Variants in GRXCR1 observed in about 807,000 individuals in gnomAD.
The protein encoded by GRXCR1 is glutaredoxin and cysteine rich domain containing 1, also known as glutaredoxin domain-containing cysteine-rich protein 1.
In GRXCR1, 27 loss-of-function variants were observed where a neutral mutation model predicts 27.3. The observed-to-expected ratio is 0.99, with a 90% confidence interval of 0.73 to 1.37. The LOEUF is 1.37. GRXCR1 is among the 40% of genes most tolerant of loss of function. The probability of loss-of-function intolerance (pLI) is 0.00; values close to 1 mark genes in which losing one functional copy is unlikely to be tolerated. For synonymous variants in GRXCR1, 122 were observed against 131.1 expected (o/e 0.93, Z 0.47); for missense variants, 379 against 354.4 (o/e 1.07, Z -0.56).
At chr4:42,959,409 T>C (rs1748080011) in intron 1 of GRXCR1, among the ~76,000 whole-genome samples, 1 of 151,606 alleles carries the variant, frequency 6.6e-6, no homozygotes, top group East Asian at 1.9e-4. Context: ...AACAGTTGAA[T>C]GGTGGCTGTT....
Position 42,893,182 on chromosome 4 carries a change from T to C in GRXCR1, c.-85T>C, listed in dbSNP as rs1746271183. ...GAGTGCTGCCATCACTAGAATTGGC[T>C]CTGATATTGCTATCTGGCAAGTGGA... On this transcript the variant is annotated 5_prime_UTR_variant, in exon 1 of 4. Transcript: ENST00000399770. 2 of 1,490,144 alleles carry C rather than the reference T, an allele frequency of 1.3e-6. No homozygotes were observed. The highest frequency in any genetic ancestry group is 1.9e-6 in the Non-Finnish European group (2 of 1,069,474). 92.3% of individuals were successfully genotyped at this position (1,490,144 alleles called of 1,614,324 possible). A position where few individuals can be genotyped will look rare whatever the true frequency, so the allele number is the denominator to read the frequency against.
chr4:42,949,313 G>T (rs1485172340), intron 1 of GRXCR1, among the ~76,000 whole-genome samples: 1 of 120,190 alleles, frequency 8.3e-6, no homozygotes, highest in African/African-American at 3.2e-5. Context: ...CTGAGATCAC[G>T]CCACTGCACT....
At chr4:43,017,506 T>G (rs1712965254) in intron 2 of GRXCR1, among the ~76,000 whole-genome samples, 1 of 152,202 alleles carries the variant, frequency 6.6e-6, no homozygotes. Context: ...TAAAAAATGC[T>G]TACTTCGCAC....
intron 1 of GRXCR1, among the ~76,000 whole-genome samples, chr4:42,951,042 T>G (rs1279009062): frequency 6.6e-6 from 1 of 152,152 alleles, no homozygotes; most frequent in African/African-American, 2.4e-5. Flanking sequence ...AAGCTCAAGA[T>G]TCAGGAAATC....
At chr4:42,996,877 G>A (rs1239064996) in intron 2 of GRXCR1, among the ~76,000 whole-genome samples, 4 of 151,758 alleles carry the variant, frequency 2.6e-5, no homozygotes, top group Admixed American at 6.6e-5. Flanking sequence ...CTTACAATAC[G>A]TATGTGTACA....
chr4:42,918,803 A>T (rs1452626758), intron 1 of GRXCR1, among the ~76,000 whole-genome samples: 2 of 152,034 alleles, frequency 1.3e-5, no homozygotes, highest in African/African-American at 4.8e-5. Context: ...GCTGGACAGG[A>T]TAAATTCACT....
chr4:42,976,141 AT>A (rs531585460), intron 2 of GRXCR1, among the ~76,000 whole-genome samples: 30 of 152,030 alleles, frequency 2.0e-4, no homozygotes, highest in African/African-American at 7.2e-4. Flanking sequence ...TTGTTTAATG[AT>A]TTTTTTATGT....
In GRXCR1 at chr4:43,009,558, A is replaced by G. The variant is rs534414812; in HGVS notation, c.628-10796A>G. ...AAACAACAGAAATTCATTTCTGTCA[A>G]TTGTGAGACTGGGGAGTCCAAGATC... is the stretch of plus-strand genomic sequence containing the variant. On this transcript the variant is annotated intron_variant, in intron 2 of 3. Coordinates refer to ENST00000399770, the MANE Select transcript of GRXCR1 (RefSeq NM_001080476.3). Among the ~76,000 whole-genome samples the G allele has an allele frequency of 6.6e-5, 10 of 152,268 alleles. No homozygotes were observed. The East Asian group carries it at 1.9e-3, about 29-fold the overall frequency.
At chr4:42,964,506 T>A (rs1748195739) in intron 2 of GRXCR1, among the ~76,000 whole-genome samples, 1 of 152,046 alleles carries the variant, frequency 6.6e-6, no homozygotes, top group African/African-American at 2.4e-5. Flanking sequence ...TAATACATAT[T>A]AAGCACTTGG....
intron 2 of GRXCR1, among the ~76,000 whole-genome samples, chr4:42,976,603 AC>A (rs1577928276): frequency 1.3e-5 from 2 of 151,932 alleles, no homozygotes; most frequent in Admixed American, 1.3e-4. Flanking sequence ...CATTCTTGGT[AC>A]CCTCATATTC....
chr4:42,937,342 G>GT (rs35206050), intron 1 of GRXCR1, among the ~76,000 whole-genome samples: 36 of 151,102 alleles, frequency 2.4e-4, no homozygotes, highest in East Asian at 5.9e-4. Context: ...CTCACCTTGT[G>GT]TTTTTTTTCT....
At chr4:42,968,276 C>T (rs1009311942) in intron 2 of GRXCR1, among the ~76,000 whole-genome samples, 1 of 151,878 alleles carries the variant, frequency 6.6e-6, no homozygotes, top group African/African-American at 2.4e-5. Flanking sequence ...TCTCTGAGAT[C>T]ATCATTCATT....
chr4:42,971,105 T>C (rs1748376301), intron 2 of GRXCR1, among the ~76,000 whole-genome samples: 1 of 152,122 alleles, frequency 6.6e-6, no homozygotes, highest in South Asian at 2.1e-4. Context: ...TGCTATAGAG[T>C]GACCTTTACT....
intron 2 of GRXCR1, among the ~76,000 whole-genome samples, chr4:42,989,597 C>A (rs1259695502): frequency 6.6e-6 from 1 of 152,200 alleles, no homozygotes; most frequent in African/African-American, 2.4e-5. Context: ...TCTTATCCTG[C>A]AATAACTGGG....
intron 1 of GRXCR1, among the ~76,000 whole-genome samples, chr4:42,933,871 T>A (rs1747391021): frequency 6.6e-6 from 1 of 151,466 alleles, no homozygotes; most frequent in African/African-American, 2.4e-5. Context: ...AGTAAGACAC[T>A]CACCCCCAAG....
At chr4:42,969,975 C>T (rs776661631) in intron 2 of GRXCR1, among the ~76,000 whole-genome samples, 15 of 152,080 alleles carry the variant, frequency 9.9e-5, no homozygotes, top group Non-Finnish European at 1.5e-4. Context: ...CAGATAAAGG[C>T]TCCCATTCAA....
At chr4:42,976,285 C>G (rs1429369222) in intron 2 of GRXCR1, among the ~76,000 whole-genome samples, 2 of 151,920 alleles carry the variant, frequency 1.3e-5, no homozygotes, top group African/African-American at 4.8e-5. Context: ...GCTTGAGGAG[C>G]CCATTAACCT....
At chr4:42,987,265 T>TA (rs1364634967) in intron 2 of GRXCR1, among the ~76,000 whole-genome samples, 31 of 81,256 alleles carry the variant, frequency 3.8e-4, no homozygotes, top group South Asian at 6.7e-4. Flanking sequence ...ATATATAATA[T>TA]ATATATATAT....
At chr4:42,973,064 T>A (rs1748425540) in intron 2 of GRXCR1, among the ~76,000 whole-genome samples, 1 of 152,168 alleles carries the variant, frequency 6.6e-6, no homozygotes, top group Non-Finnish European at 1.5e-5. Context: ...ACAATTTTGT[T>A]TTCACTTGTC....
Sources: gnomAD v4.1 joint callset for allele counts (sites outside exome capture counted in the v4.1 genomes callset) on GRCh38, gnomAD v4.1.1 for gene constraint, MANE v1.5 for transcripts, NCBI Gene and HGNC (gene_info 2026-07-23, HGNC 2026-07-21) for gene names.